Variants in CCNL2 observed in about 807,000 individuals in gnomAD.
CCNL2 encodes cyclin L2.
In CCNL2, 28 loss-of-function variants were observed where a neutral mutation model predicts 59.1. The ratio of observed to expected loss-of-function variants is 0.47; its 90% CI spans 0.35 to 0.65. CCNL2 has a LOEUF of 0.65. Among genes scored for constraint, CCNL2 ranks in the 30% least tolerant of loss-of-function variants. The pLI, the probability that CCNL2 is intolerant of heterozygous loss-of-function variation, is 0.00. For missense variants in CCNL2, 714 were observed against 717.4 expected, an observed-to-expected ratio of 1.00 and a Z score of 0.05; for synonymous variants, 342 against 288.6, an observed-to-expected ratio of 1.19 and a Z score of -1.88.
intron 4 of CCNL2, 149 bp from the exon 5 acceptor site, chr1:1,393,609 G>A (rs1644860085): frequency 1.4e-6 from 1 of 690,684 alleles, no homozygotes; most frequent in South Asian, 1.8e-5. Flanking sequence ...TCAGCTGGAG[G>A]GAGCTTTGCG....
At chr1:1,388,118 G>T in intron 8 of CCNL2, 53 bp from the exon 9 acceptor site, 2 of 1,447,128 alleles carry the variant, frequency 1.4e-6, no homozygotes, top group Non-Finnish European at 1.9e-6. Context: ...CTCCCAATAA[G>T]AAACAAGTTC....
intron 5 of CCNL2, chr1:1,391,539 C>T (rs1348775285): frequency 1.5e-6 from 2 of 1,305,134 alleles, no homozygotes; most frequent in African/African-American, 1.5e-5. Flanking sequence ...TCGGGCTCAT[C>T]AGAGCCGCTG....
At chr1:1,396,101 C>T (rs1645003879) in intron 3 of CCNL2, among the ~76,000 whole-genome samples, 1 of 149,864 alleles carries the variant, frequency 6.7e-6, no homozygotes, top group Admixed American at 6.7e-5. Flanking sequence ...TTCACTTGAA[C>T]CCAGGAGGCG....
intron 10 of CCNL2, 89 bp from the exon 11 acceptor site, chr1:1,387,671 G>T: frequency 1.4e-6 from 2 of 1,407,874 alleles, no homozygotes; most frequent in Non-Finnish European, 9.7e-7. Flanking sequence ...AGACACACAA[G>T]CTCCAGGTTT....
At chr1:1,396,028 A>T (rs967918475) in intron 3 of CCNL2, among the ~76,000 whole-genome samples, 20 of 151,270 alleles carry the variant, frequency 1.3e-4, no homozygotes, top group African/African-American at 4.6e-4. Context: ...AAAATGCAAA[A>T]ATTAGCCGGG....
intron 3 of CCNL2, among the ~76,000 whole-genome samples, chr1:1,397,896 A>G (rs1443742826): frequency 6.6e-6 from 1 of 152,202 alleles, no homozygotes; most frequent in East Asian, 1.9e-4. Context: ...CTGAATGTCA[A>G]TAGTGCTGAG....
At chr1:1,392,456 T>C (rs1484239809) in intron 5 of CCNL2, 5 of 1,210,030 alleles carry the variant, frequency 4.1e-6, no homozygotes, top group Non-Finnish European at 5.1e-6. Flanking sequence ...ACACAGCCAA[T>C]TTGTCTCTTC....
intron 8 of CCNL2, chr1:1,388,594 T>C (rs184583613): frequency 3.1e-5 from 13 of 424,594 alleles, no homozygotes; most frequent in Non-Finnish European, 5.6e-5. Context: ...TATATATATA[T>C]ATACATAGAC....
rs1188898451 is a variant in CCNL2 at position 1,388,024 on chromosome 1, G to A, written c.1048C>T (p.Leu350=). Residue 350 remains leucine (L), a synonymous_variant, in exon 9 of 11, where the codon CTG becomes TTG. Transcript: ENST00000400809. Reference sequence around the variant, plus strand: ...CTCCTCTTGGTGTTCTTCACAGACAGTGGGGAAGGCTTGCTCCCTTTACCT... The same window carrying A: ...CTCCTCTTGGTGTTCTTCACAGACAATGGGGAAGGCTTGCTCCCTTTACCT... ...KEGKGSKPSP[L]SVKNTKRRLE... 1.2e-6 allele frequency: 2 copies of A among 1,614,058 alleles called. No homozygotes were observed. The highest frequency in any genetic ancestry group is 8.5e-7 in the Non-Finnish European group (1 of 1,180,030).
chr1:1,390,368 C>G lies in CCNL2; in HGVS notation c.868G>C (p.Asp290His). The G allele has an allele frequency of 6.2e-7, 1 of 1,612,424 alleles. No individual in the cohort carries two copies. Reference protein sequence around the residue: ...ILQLYARKKVDLTHLEGEVEK... With the variant: ...ILQLYARKKVHLTHLEGEVEK... ...ACTTCACCCTCCAGGTGTGTGAGAT[C>G]AACCTGCAAAAGCCAGAAGGTGTCC... is the stretch of plus-strand genomic sequence containing the variant. Residue 290 changes from aspartate (D) to histidine (H), a missense_variant, in exon 8 of 11, where the codon GAT becomes CAT. Transcript: ENST00000400809.
At position 1,395,487 on chromosome 1, in the gene CCNL2, T is replaced by G; in HGVS notation, c.501A>C (p.Gln167His). 6.2e-7 allele frequency: 1 copy of G among 1,614,158 alleles called. No individual in the cohort carries two copies. The highest frequency in any genetic ancestry group is 8.5e-7 in the Non-Finnish European group (1 of 1,180,040). Residue 167 changes from glutamine to histidine, a missense_variant, in exon 4 of 11, where the codon CAA (glutamine) becomes CAC (histidine). By Grantham distance (24) the Gln-to-His change is conservative. Transcript: ENST00000400809. ...TTTGGTTCTTTAAATTAACATAATC[T>G]TGATCCAGTAGTAGAGGCACGGGCT... ...KKKPVPLLLDQDYVNLKNQII... is the reference protein window; with the variant it reads ...KKKPVPLLLDHDYVNLKNQII...
At chr1:1,393,846 G>A (rs1468704393) in intron 4 of CCNL2, among the ~76,000 whole-genome samples, 1 of 152,216 alleles carries the variant, frequency 6.6e-6, no homozygotes, top group Non-Finnish European at 1.5e-5. Context: ...AACACTTCAG[G>A]CCAGGCACAC....
In CCNL2 at chr1:1,399,095, G is replaced by C. The variant is rs17851391; in HGVS notation, c.212C>G (p.Thr71Ser). 0.028 allele frequency: 44,745 copies of C among 1,611,742 alleles called. 865 individuals are homozygous for C. The highest frequency in any genetic ancestry group is 0.076 in the Middle Eastern group (459 of 6,058). ...CACGCGGAGGTCGGTCTCTGTGTCG[G>C]TGTCGAGGCCGCTCGACATGGACGG... Reference protein sequence around the residue: ...FTPSMSSGLDTDTETDLRVVG... With the variant: ...FTPSMSSGLDSDTETDLRVVG... The change falls in exon 1 of 11, where the codon ACC becomes AGC. Residue 71 changes from threonine (T) to serine (S), a missense_variant. Thr to Ser is a moderately conservative substitution (Grantham distance 58). Coordinates refer to ENST00000400809, the MANE Select transcript of CCNL2 (RefSeq NM_030937.6).
chr1:1,387,614 G>T, intron 10 of CCNL2, 32 bp from the exon 11 acceptor site: 2 of 1,460,456 alleles, frequency 1.4e-6, no homozygotes, highest in South Asian at 1.4e-5. Flanking sequence ...CCACACGTGT[G>T]ACCATCTGGC....
Position 1,392,140 on chromosome 1 carries a change from CCT to C in CCNL2, c.659+1254_659+1255del, listed in dbSNP as rs1409607328. Reference sequence around the variant, plus strand: ...GTGTGGCGGCCGTGTGGCCCCAGCCCCTGATGCAAGCGTGCCAGTGCACAGCT... The same window carrying C: ...GTGTGGCGGCCGTGTGGCCCCAGCCCGATGCAAGCGTGCCAGTGCACAGCT... On this transcript the variant is annotated intron_variant, in intron 5 of 10. Transcript: ENST00000400809. 11 of 251,840 alleles carry C rather than the reference CCT, an allele frequency of 4.4e-5. No homozygotes were observed. The East Asian group carries it at 1.1e-3, about 24-fold the overall frequency. 15.6% of individuals were successfully genotyped at this position (251,840 alleles called of 1,614,324 possible). A position where few individuals can be genotyped will look rare whatever the true frequency, so the allele number is the denominator to read the frequency against.
rs982401505 is a variant in CCNL2, at chr1:1,387,021, C to G, written c.*210G>C. 3.7e-6 allele frequency: 2 copies of G among 544,714 alleles called. No individual in the cohort carries two copies. The highest frequency in any genetic ancestry group is 3.8e-5 in the African/African-American group (2 of 53,092). 33.7% of individuals were successfully genotyped at this position (544,714 alleles called of 1,614,324 possible). Reference sequence around the variant, plus strand: ...CCCAGGTGTGCGCCGCACCCCAGACCGGTCTGAAGCACGTGTCACCGGTCC... The same window carrying G: ...CCCAGGTGTGCGCCGCACCCCAGACGGGTCTGAAGCACGTGTCACCGGTCC... On this transcript the variant is annotated 3_prime_UTR_variant, in exon 11 of 11. Transcript: ENST00000400809.
At chr1:1,392,111 A>G (rs1222118714) in intron 5 of CCNL2, 1 of 183,504 alleles carries the variant, frequency 5.4e-6, no homozygotes, top group Admixed American at 6.2e-5. Context: ...TCACGGGGGA[A>G]TCTGTGTGGC....
Position 1,391,275 on chromosome 1 carries a change from T to C in CCNL2, c.660-410A>G, listed in dbSNP as rs1388348879. 15 of 1,116,284 alleles carry C rather than the reference T, an allele frequency of 1.3e-5. No homozygotes were observed. The Admixed American group carries it at 1.5e-4, about 11-fold the overall frequency. 69.1% of individuals were successfully genotyped at this position (1,116,284 alleles called of 1,614,324 possible). ...AAGAAATCTAAATGCTCAAAATCCA[T>C]AGTGCAGAGAAACATGCAAACTCAA... On this transcript the variant is annotated intron_variant, in intron 5 of 10. Coordinates refer to ENST00000400809, the MANE Select transcript of CCNL2 (RefSeq NM_030937.6).
At chr1:1,396,194 A>AAG (rs1645011440) in intron 3 of CCNL2, among the ~76,000 whole-genome samples, 1 of 150,346 alleles carries the variant, frequency 6.7e-6, no homozygotes, top group African/African-American at 2.4e-5. Context: ...GTCTCAGAAA[A>AAG]AAAAAAAAAA....
Sources: gnomAD v4.1 joint callset for allele counts (sites outside exome capture counted in the v4.1 genomes callset) on GRCh38, gnomAD v4.1.1 for gene constraint, MANE v1.5 for transcripts, NCBI Gene and HGNC (gene_info 2026-07-23, HGNC 2026-07-21) for gene names.